Variants in DGKB observed in about 807,000 individuals in gnomAD.
DGKB encodes the protein 90 kDa diacylglycerol kinase.
DGKB carries 67 observed loss-of-function variants against 114.3 expected under a neutral mutation model. The observed-to-expected ratio is 0.59, with a 90% CI of 0.48 to 0.72. The LOEUF (loss-of-function observed/expected upper bound fraction) is 0.72, where lower values mean the gene tolerates loss of function less well. Among genes scored for constraint, DGKB ranks in the 30% least tolerant of loss-of-function variants. The probability of loss-of-function intolerance (pLI) is 0.00; values close to 1 mark genes in which losing one functional copy is unlikely to be tolerated. For missense variants in DGKB, 907 were observed against 975.2 expected, an observed-to-expected ratio of 0.93 and a Z score of 0.93; for synonymous variants, 398 against 323.1, an observed-to-expected ratio of 1.23 and a Z score of -2.49.
chr7:14,887,289 C>T (rs6972713), intron 1 of DGKB, among the ~76,000 whole-genome samples: 77,648 of 151,608 alleles, frequency 0.51, 20,861 homozygotes, highest in Non-Finnish European at 0.59. Flanking sequence ...ATCTTCTCAG[C>T]AACAATTGAC....
intron 23 of DGKB, among the ~76,000 whole-genome samples, chr7:14,283,287 C>T (rs1357609021): frequency 6.6e-6 from 1 of 151,174 alleles, no homozygotes; most frequent in Admixed American, 6.8e-5. Flanking sequence ...AATAAAATAC[C>T]TAGGAATCCA....
At chr7:14,570,735 A>G (rs565855444) in intron 20 of DGKB, among the ~76,000 whole-genome samples, 1 of 152,028 alleles carries the variant, frequency 6.6e-6, no homozygotes, top group African/African-American at 2.4e-5. Context: ...GAAGAAGAGA[A>G]GGGGTTGATC....
upstream of DGKB, among the ~76,000 whole-genome samples, chr7:14,907,657 C>T (rs913728451): frequency 6.6e-6 from 1 of 152,114 alleles, no homozygotes. Flanking sequence ...ATATGACTTT[C>T]AAATTATTCT....
chr7:14,205,832 G>T (rs911528323), intron 23 of DGKB, among the ~76,000 whole-genome samples: 1 of 151,966 alleles, frequency 6.6e-6, no homozygotes, highest in Non-Finnish European at 1.5e-5. Flanking sequence ...CTACGTATGG[G>T]AAGTAGAATC....
chr7:14,195,770 T>G (rs1227810787), intron 23 of DGKB, among the ~76,000 whole-genome samples: 1 of 152,106 alleles, frequency 6.6e-6, no homozygotes, highest in Admixed American at 6.6e-5. Flanking sequence ...GGACAGAACA[T>G]GATGATGAGG....
chr7:14,762,625 G>A (rs1465980182), intron 2 of DGKB, among the ~76,000 whole-genome samples: 3 of 152,074 alleles, frequency 2.0e-5, no homozygotes, highest in African/African-American at 7.2e-5. Flanking sequence ...TTAGGCATCT[G>A]TTACATCTTG....
intron 17 of DGKB, among the ~76,000 whole-genome samples, chr7:14,596,183 A>T (rs991628311): frequency 6.6e-6 from 1 of 152,202 alleles, no homozygotes; most frequent in Admixed American, 6.5e-5. Context: ...CACAGGAATA[A>T]TGATACATTT....
chr7:14,757,071 G>A (rs953699886), intron 3 of DGKB, among the ~76,000 whole-genome samples: 1 of 151,940 alleles, frequency 6.6e-6, no homozygotes, highest in African/African-American at 2.4e-5. Flanking sequence ...ACTGGTAAAA[G>A]GTAAAATAGA....
chr7:14,393,058 G>A (rs1403985066), intron 21 of DGKB, among the ~76,000 whole-genome samples: 12 of 137,148 alleles, frequency 8.7e-5, no homozygotes, highest in Non-Finnish European at 1.7e-4. Flanking sequence ...GCACGATCTC[G>A]GCTCACTGCA....
Position 14,494,465 on chromosome 7 carries a change from G to T in DGKB, c.1771-16240C>A, listed in dbSNP as rs115997449. ...CCCTACCCACCAAAAGAAATAAAAA[G>T]CAGTCTTTGCAAATATAAGAATACA... On this transcript the variant is annotated intron_variant, in intron 20 of 25. Coordinates refer to ENST00000402815, the MANE Select transcript of DGKB (RefSeq NM_001350709.2). Among the ~76,000 whole-genome samples, 653 of 151,930 alleles carry T rather than the reference G, an allele frequency of 4.3e-3. 6 individuals carry two copies. The highest frequency in any genetic ancestry group is 0.015 in the African/African-American group (627 of 41,490).
At chr7:14,299,842 C>A (rs576077870) in intron 23 of DGKB, among the ~76,000 whole-genome samples, 1 of 151,530 alleles carries the variant, frequency 6.6e-6, no homozygotes, top group Non-Finnish European at 1.5e-5. Flanking sequence ...AGCCAGTGAG[C>A]TATATTAATC....
At chr7:14,457,863 T>A (rs894199414) in intron 21 of DGKB, among the ~76,000 whole-genome samples, 1 of 152,222 alleles carries the variant, frequency 6.6e-6, no homozygotes, top group African/African-American at 2.4e-5. Flanking sequence ...TGTATACATC[T>A]ACATGAGAAG....
At position 14,185,795 on chromosome 7, in the gene DGKB, T is replaced by C. The variant is rs186783481; in HGVS notation, c.2123-7644A>G. ...GGACACCCTTTTTAACAAATGGTGC[T>C]GGGATAATTGGCTAGCCACATCTAG... On this transcript the variant is annotated intron_variant, in intron 23 of 25. Transcript: ENST00000402815. Among the ~76,000 whole-genome samples the C allele has an allele frequency of 9.9e-3, 1,503 of 152,328 alleles. 18 individuals are homozygous for C. The highest frequency in any genetic ancestry group is 0.034 in the African/African-American group (1,428 of 41,576).
chr7:14,222,554 C>T (rs778982214), intron 23 of DGKB, among the ~76,000 whole-genome samples: 11 of 151,146 alleles, frequency 7.3e-5, no homozygotes, highest in Admixed American at 2.0e-4. Context: ...TTCGGTCTAT[C>T]CTGGAGAATG....
chr7:14,732,196 A>AC (rs1204590914), intron 5 of DGKB, among the ~76,000 whole-genome samples: 1 of 53,572 alleles, frequency 1.9e-5, no homozygotes, highest in Non-Finnish European at 5.2e-5. Flanking sequence ...TAGTGAGCAT[A>AC]ATTTTTTTTC....
chr7:14,692,911 A>G (rs1001340847), intron 9 of DGKB, among the ~76,000 whole-genome samples: 4 of 152,116 alleles, frequency 2.6e-5, no homozygotes, highest in East Asian at 1.9e-4. Context: ...ACTTATACAT[A>G]TTCCTTAACC....
At chr7:14,414,837 A>C (rs1825454493) in intron 21 of DGKB, among the ~76,000 whole-genome samples, 1 of 152,084 alleles carries the variant, frequency 6.6e-6, no homozygotes, top group Admixed American at 6.6e-5. Flanking sequence ...AACATTTCTG[A>C]CAAGCTGAGT....
chr7:14,967,201 A>G (rs768468092), intron 1 of DGKB, among the ~76,000 whole-genome samples: 2 of 152,200 alleles, frequency 1.3e-5, no homozygotes, highest in Non-Finnish European at 2.9e-5. Context: ...ACCTTAATCC[A>G]TATGTGCTGG....
At chr7:14,750,650 C>T (rs1833966668) in intron 4 of DGKB, among the ~76,000 whole-genome samples, 1 of 152,006 alleles carries the variant, frequency 6.6e-6, no homozygotes, top group African/African-American at 2.4e-5. Context: ...TTAACTTGTT[C>T]ACCTAAAAAT....
Sources: gnomAD v4.1 joint callset for allele counts (sites outside exome capture counted in the v4.1 genomes callset) on GRCh38, gnomAD v4.1.1 for gene constraint, MANE v1.5 for transcripts, NCBI Gene and HGNC (gene_info 2026-07-23, HGNC 2026-07-21) for gene names.